The following PGM3 variants were observed in gnomAD, a reference collection of about 807,000 sequenced individuals.
PGM3 encodes the protein phosphoacetylglucosamine mutase.
In PGM3, 40 loss-of-function variants were observed where a neutral mutation model predicts 66.2. That is an observed-to-expected ratio of 0.60 (90% CI 0.47 to 0.79). The LOEUF is 0.79. Among genes scored for constraint, PGM3 ranks in the 30% least tolerant of loss-of-function variants. The pLI, the probability that PGM3 is intolerant of heterozygous loss-of-function variation, is 0.00. For missense variants in PGM3, 537 were observed against 643.4 expected, an observed-to-expected ratio of 0.83 and a Z score of 1.79; for synonymous variants, 191 against 224.2, an observed-to-expected ratio of 0.85 and a Z score of 1.32.
intron 1 of PGM3, chr6:83,191,226 C>A: frequency 6.5e-7 from 1 of 1,535,366 alleles, no homozygotes; most frequent in East Asian, 2.4e-5. Flanking sequence ...CACTCCTGGG[C>A]AGACTCAGGG....
chr6:83,167,081 A>T lies in PGM3; in HGVS notation c.*2153T>A. The T allele has an allele frequency of 1.0e-6, 1 of 984,028 alleles. No individual in the cohort carries two copies. The highest frequency in any genetic ancestry group is 1.2e-6 in the Non-Finnish European group (1 of 828,688). The allele number at this position is 984,028 out of a possible 1,614,324, so 61.0% of individuals were successfully genotyped here. On this transcript the variant is annotated 3_prime_UTR_variant, in exon 13 of 13. Transcript: ENST00000513973. ...CTCAAACTAGCCTCTTAATACCCAAATTATTAGTCTTTATATTTAGTTGAC... is the reference window on the plus strand; with the variant it reads ...CTCAAACTAGCCTCTTAATACCCAATTTATTAGTCTTTATATTTAGTTGAC...
At chr6:83,157,840 C>G (rs528034840), downstream of PGM3, among the ~76,000 whole-genome samples, 12 of 152,266 alleles carry the variant, frequency 7.9e-5, no homozygotes, top group African/African-American at 2.6e-4. Context: ...CTTCTGTTCC[C>G]CTCCTCAAAC....
At chr6:83,169,414 G>C (rs1786589594) in intron 12 of PGM3, 91 bp from the exon 13 acceptor site, 1 of 1,441,264 alleles carries the variant, frequency 6.9e-7, no homozygotes, top group Non-Finnish European at 9.4e-7. Flanking sequence ...CTGGGGAAGA[G>C]AGGGGTGATT....
chr6:83,186,708 T>C (rs1324239616), intron 4 of PGM3, among the ~76,000 whole-genome samples: 1 of 152,188 alleles, frequency 6.6e-6, no homozygotes, highest in Non-Finnish European at 1.5e-5. Context: ...CATCTTCAAG[T>C]ACTTAAAAAG....
downstream of PGM3, chr6:83,163,034 AAAC>A: frequency 1.7e-6 from 2 of 1,210,026 alleles, no homozygotes; most frequent in Non-Finnish European, 2.3e-6. Context: ...GCTATTTTGA[AAAC>A]AAGTCCCCAG....
At chr6:83,174,827 T>TA (rs1787636147) in intron 9 of PGM3, among the ~76,000 whole-genome samples, 2 of 152,230 alleles carry the variant, frequency 1.3e-5, no homozygotes, top group African/African-American at 4.8e-5. Context: ...CCAGGTTACT[T>TA]AGAGCCTGTC....
chr6:83,155,828 A>T, the PGM3 span: 1 of 1,179,250 alleles, frequency 8.5e-7, no homozygotes, highest in East Asian at 2.5e-5. Flanking sequence ...GAGGGGCATC[A>T]AGTTTTGTAC....
chr6:83,190,822 G>C lies in PGM3; in HGVS notation c.191C>G (p.Ser64Cys). ...TAAACCCATTACCTCAGGATTGTGG[G>C]ACGCTGTTACCATGACTCCTATAGT... ...KSTIGVMVTASHNPEEDNGVK... is the reference protein window; with the variant it reads ...KSTIGVMVTACHNPEEDNGVK... The change falls in exon 2 of 13, where the codon TCC becomes TGC. Residue 64 changes from serine (S) to cysteine (C), a missense_variant. Transcript: ENST00000513973. 5 of 1,613,512 alleles carry C rather than the reference G, an allele frequency of 3.1e-6. No individual in the cohort carries two copies. The highest frequency in any genetic ancestry group is 4.2e-6 in the Non-Finnish European group (5 of 1,179,460).
In PGM3 at chr6:83,167,151, A is replaced by AC; in HGVS notation, c.*2082_*2083insG. ...TCATTTGACTTCTCTACTAAAAGGT[A>AC]GTTTTAGACTGTCCCATTTTATAAG... On this transcript the variant is annotated 3_prime_UTR_variant, in exon 13 of 13. Coordinates refer to ENST00000513973, the MANE Select transcript of PGM3 (RefSeq NM_015599.3). 1.1e-6 allele frequency: 1 copy of AC among 903,788 alleles called. No homozygotes were observed. Among genetic ancestry groups the AC allele is most frequent in the Non-Finnish European group, 1.3e-6 (1 of 755,462 alleles). 56.0% of individuals were successfully genotyped at this position (903,788 alleles called of 1,614,324 possible).
chr6:83,187,086 AAAGG>A lies in PGM3; in HGVS notation c.390-15_390-12del. 1 of 1,567,198 alleles carries A rather than the reference AAAGG, an allele frequency of 6.4e-7. No homozygotes were observed. Among genetic ancestry groups the A allele is most frequent in the Non-Finnish European group, 8.8e-7 (1 of 1,140,164 alleles). ...TTCTCACTGCTGGGCCTAGGAAAGA[AAAGG>A]AAGAAAATAATATATCCCATCCTGA... On this transcript the variant is annotated splice_polypyrimidine_tract_variant and intron_variant, in intron 3 of 12. Coordinates refer to ENST00000513973, the MANE Select transcript of PGM3 (RefSeq NM_015599.3).
At chr6:83,193,394 T>C (rs1239262221), upstream of PGM3, 1 of 152,274 alleles carries the variant, frequency 6.6e-6, no homozygotes, top group Non-Finnish European at 1.5e-5. Flanking sequence ...GAACTGCGGC[T>C]GCGGTTCCGA....
At position 83,181,888 on chromosome 6, in the gene PGM3, C is replaced by T; in HGVS notation, c.635G>A (p.Cys212Tyr). ...CTTCAGGGCCCCTATGCCATTTGCA[C>T]AGTCAACCTTAAGTGATCTGTATTC... ...GDEYRSLKVD[C>Y]ANGIGALKLR... The change falls in exon 6 of 13, where the codon TGT (cysteine) becomes TAT (tyrosine). Residue 212 changes from cysteine to tyrosine, a missense_variant. Cys to Tyr is a radical substitution (Grantham distance 194). Coordinates refer to ENST00000513973, the MANE Select transcript of PGM3 (RefSeq NM_015599.3). The T allele has an allele frequency of 6.2e-7, 1 of 1,613,786 alleles. No individual in the cohort carries two copies. The highest frequency in any genetic ancestry group is 8.5e-7 in the Non-Finnish European group (1 of 1,179,854).
At chr6:83,191,254 C>T in intron 1 of PGM3, 2 of 1,534,778 alleles carry the variant, frequency 1.3e-6, no homozygotes, top group Non-Finnish European at 1.7e-6. Flanking sequence ...CAGATTGTCC[C>T]CACTCTCCTC....
the PGM3 span, among the ~76,000 whole-genome samples, chr6:83,155,210 C>G: frequency 1.3e-5 from 2 of 151,542 alleles, no homozygotes; most frequent in Admixed American, 6.6e-5. Flanking sequence ...GCCTGTAATC[C>G]TAGCACTTTG....
chr6:83,177,985 G>A (rs1787905052), intron 8 of PGM3, among the ~76,000 whole-genome samples: 1 of 152,102 alleles, frequency 6.6e-6, no homozygotes, highest in Non-Finnish European at 1.5e-5. Flanking sequence ...ATTTGGAGTT[G>A]AGCCCAATCT....
intron 12 of PGM3, chr6:83,169,589 A>G (rs1786646655): frequency 2.1e-6 from 1 of 472,896 alleles, no homozygotes; most frequent in Admixed American, 3.2e-5. Flanking sequence ...ACAACTGAAA[A>G]AATTCAATAA....
At chr6:83,148,818 C>A in the PGM3 span, 1 of 1,555,374 alleles carries the variant, frequency 6.4e-7, no homozygotes, top group Non-Finnish European at 8.6e-7. Flanking sequence ...CTGAAAGACT[C>A]TATACAACTG....
Position 83,167,166 on chromosome 6 carries a change from C to G in PGM3, c.*2068G>C. On this transcript the variant is annotated 3_prime_UTR_variant, in exon 13 of 13. Transcript: ENST00000513973. The stretch of plus-strand genomic sequence containing the variant: ...ACTAAAAGGTAGTTTTAGACTGTCC[C>G]ATTTTATAAGTGAGGAACCTTTGTA... The G allele has an allele frequency of 1.1e-6, 1 of 904,646 alleles. No homozygotes were observed. The highest frequency in any genetic ancestry group is 1.2e-4 in the East Asian group (1 of 8,444). The allele number at this position is 904,646 out of a possible 1,614,324, so 56.0% of individuals were successfully genotyped here.
Position 83,164,945 on chromosome 6 carries a change from T to A in PGM3, c.*4289A>T, listed in dbSNP as rs1188606188. ...AGTTCTGATTAAGAGCATCAGAAAC[T>A]CTGAATCAAGTGTATTCTTCTTGGT... On this transcript the variant is annotated 3_prime_UTR_variant, in exon 13 of 13. Transcript: ENST00000513973. 4.4e-6 allele frequency: 2 copies of A among 455,630 alleles called. No homozygotes were observed. Among genetic ancestry groups the A allele is most frequent in the African/African-American group, 4.1e-5 (2 of 48,804 alleles). The allele number at this position is 455,630 out of a possible 1,614,324, so 28.2% of individuals were successfully genotyped here.
Sources: allele counts gnomAD v4.1 joint callset (sites outside exome capture counted in the v4.1 genomes callset), GRCh38; gene constraint gnomAD v4.1.1; transcripts MANE v1.5; gene names NCBI Gene and HGNC (gene_info 2026-07-23, HGNC 2026-07-21).